The following ARL15 variants were observed in gnomAD, a reference collection of about 807,000 sequenced individuals.
ARL15 encodes ADP-ribosylation factor-like protein 15.
ARL15 carries 19 observed loss-of-function variants against 25.2 expected under a neutral mutation model. The observed-to-expected ratio is 0.75, with a 90% CI of 0.53 to 1.10. The LOEUF (loss-of-function observed/expected upper bound fraction) is 1.10. Among genes scored for constraint, ARL15 ranks in the 50% least tolerant of loss-of-function variants. The probability of loss-of-function intolerance (pLI) is 0.00; values close to 1 mark genes in which losing one functional copy is unlikely to be tolerated. For synonymous variants in ARL15, 94 were observed against 86.8 expected, an observed-to-expected ratio of 1.08 and a Z score of -0.46; for missense variants, 220 against 246.0, an observed-to-expected ratio of 0.89 and a Z score of 0.71.
chr5:54,081,075 C>G (rs1235608794), intron 4 of ARL15, among the ~76,000 whole-genome samples: 2 of 152,104 alleles, frequency 1.3e-5, no homozygotes, highest in African/African-American at 2.4e-5. Context: ...TCCTAAAAAC[C>G]CTATCTCCAA....
intron 1 of ARL15, among the ~76,000 whole-genome samples, chr5:54,279,216 T>G (rs1024177609): frequency 0.025 from 6 of 238 alleles, no homozygotes; most frequent in South Asian, 0.5. Flanking sequence ...TTGTTTTTGT[T>G]TTTTTTTTTC....
chr5:53,974,129 A>C (rs142176774), intron 4 of ARL15, among the ~76,000 whole-genome samples: 219 of 152,280 alleles, frequency 1.4e-3, no homozygotes, highest in African/African-American at 4.8e-3. Flanking sequence ...CTGATTTTTA[A>C]ATTGGGTACA....
intron 2 of ARL15, among the ~76,000 whole-genome samples, chr5:54,158,972 A>G (rs1463481279): frequency 6.6e-6 from 1 of 152,178 alleles, no homozygotes; most frequent in Non-Finnish European, 1.5e-5. Context: ...CAACAAACTG[A>G]GGGATTCACA....
intron 4 of ARL15, among the ~76,000 whole-genome samples, chr5:53,906,630 T>G (rs758322754): frequency 8.5e-5 from 13 of 152,196 alleles, no homozygotes; most frequent in Non-Finnish European, 1.3e-4. Flanking sequence ...CTAACACTCA[T>G]GGAGGAATTG....
chr5:53,944,335 G>C (rs1337658127), intron 4 of ARL15, among the ~76,000 whole-genome samples: 1 of 152,158 alleles, frequency 6.6e-6, no homozygotes, highest in Non-Finnish European at 1.5e-5. Flanking sequence ...ACCTGGCCGG[G>C]CACAGTTGTT....
At chr5:54,033,490 A>C (rs563971559) in intron 4 of ARL15, among the ~76,000 whole-genome samples, 13 of 151,974 alleles carry the variant, frequency 8.6e-5, no homozygotes, top group Non-Finnish European at 1.8e-4. Flanking sequence ...CAACATGGTG[A>C]AACCCCATCT....
At chr5:54,276,461 T>C (rs1367774020) in intron 1 of ARL15, among the ~76,000 whole-genome samples, 2 of 152,230 alleles carry the variant, frequency 1.3e-5, no homozygotes, top group African/African-American at 2.4e-5. Flanking sequence ...GACAACATTC[T>C]ACACCCAGCA....
intron 1 of ARL15, among the ~76,000 whole-genome samples, chr5:54,282,732 T>A (rs1405422843): frequency 6.6e-6 from 1 of 152,170 alleles, no homozygotes; most frequent in Non-Finnish European, 1.5e-5. Context: ...AAGTCTATAA[T>A]CCTTATAATG....
chr5:54,303,680 A>AGAGGAGAGGAAAAAAAGAAGAAAGAG (rs1269279317), intron 1 of ARL15, among the ~76,000 whole-genome samples: 5 of 146,896 alleles, frequency 3.4e-5, no homozygotes, highest in African/African-American at 5.0e-5. Flanking sequence ...AAGAAGAAGA[A>AGAGGAGAGGAAAAAAAGAAGAAAGAG]GAGGAGAGGA....
chr5:54,124,972 A>G (rs1224229078), intron 3 of ARL15, among the ~76,000 whole-genome samples: 3 of 152,058 alleles, frequency 2.0e-5, no homozygotes, highest in East Asian at 1.9e-4. Flanking sequence ...TCTAGCCAAG[A>G]GAATGTGGCA....
intron 4 of ARL15, among the ~76,000 whole-genome samples, chr5:54,062,357 G>A (rs1257142401): frequency 6.6e-6 from 1 of 152,016 alleles, no homozygotes; most frequent in Non-Finnish European, 1.5e-5. Context: ...GGGGCCAGCG[G>A]CAGAACGATA....
At chr5:53,968,630 C>G (rs559901614) in intron 4 of ARL15, among the ~76,000 whole-genome samples, 3 of 152,032 alleles carry the variant, frequency 2.0e-5, no homozygotes, top group African/African-American at 7.2e-5. Flanking sequence ...CTGCAGTCTT[C>G]GGACGGGCTT....
At chr5:54,108,134 T>A (rs1322672590) in intron 4 of ARL15, among the ~76,000 whole-genome samples, 2 of 152,192 alleles carry the variant, frequency 1.3e-5, no homozygotes, top group Non-Finnish European at 2.9e-5. Context: ...GACATTCTTA[T>A]ACCTAATGAA....
intron 1 of ARL15, among the ~76,000 whole-genome samples, chr5:54,187,571 G>A (rs555884624): frequency 6.6e-6 from 1 of 152,306 alleles, no homozygotes; most frequent in Admixed American, 6.5e-5. Context: ...ACCAAGGCAG[G>A]TGACAGGATG....
At chr5:54,181,723 T>G (rs1755064682) in intron 1 of ARL15, among the ~76,000 whole-genome samples, 1 of 152,194 alleles carries the variant, frequency 6.6e-6, no homozygotes, top group South Asian at 2.1e-4. Context: ...CACTTGAGGC[T>G]AGGAGTTTGA....
chr5:54,053,241 AAAC>A (rs1750754065), intron 4 of ARL15, among the ~76,000 whole-genome samples: 1 of 136,232 alleles, frequency 7.3e-6, no homozygotes, highest in South Asian at 2.1e-4. Context: ...CAACAACAAC[AAAC>A]AACAACAAAA....
chr5:54,198,728 A>G (rs1164560704), intron 1 of ARL15, among the ~76,000 whole-genome samples: 5 of 151,316 alleles, frequency 3.3e-5, no homozygotes, highest in Non-Finnish European at 2.9e-5. Flanking sequence ...TGCCCAAGGT[A>G]ATTTATAGAT....
At chr5:54,180,327 T>A (rs1561255389) in intron 1 of ARL15, among the ~76,000 whole-genome samples, 1 of 152,118 alleles carries the variant, frequency 6.6e-6, no homozygotes, top group Non-Finnish European at 1.5e-5. Flanking sequence ...ATCTTTCTAG[T>A]TGTAAGAAGA....
chr5:53,990,246 G>A (rs201657480), intron 4 of ARL15, among the ~76,000 whole-genome samples: 14 of 85,534 alleles, frequency 1.6e-4, no homozygotes, highest in Non-Finnish European at 2.5e-4. Context: ...AAAAAAAATA[G>A]TTAAAAAAAA....
Sources: gnomAD v4.1 joint callset for allele counts (sites outside exome capture counted in the v4.1 genomes callset) on GRCh38, gnomAD v4.1.1 for gene constraint, MANE v1.5 for transcripts, NCBI Gene and HGNC (gene_info 2026-07-23, HGNC 2026-07-21) for gene names.